The following CALN1 variants were observed in gnomAD, a reference collection of about 807,000 sequenced individuals.
CALN1 encodes calcium-binding protein 8.
CALN1 carries 17 observed loss-of-function variants against 30.6 expected under a neutral mutation model. The ratio of observed to expected loss-of-function variants is 0.56; its 90% CI spans 0.38 to 0.83. CALN1 has a LOEUF of 0.83. CALN1 is among the 40% of genes least tolerant of loss of function. The pLI is 0.00. For synonymous variants in CALN1, 156 were observed against 131.4 expected (o/e 1.19, Z -1.28); for missense variants, 291 against 354.9 (o/e 0.82, Z 1.45).
At chr7:72,048,305 C>T (rs1016045398) in intron 4 of CALN1, among the ~76,000 whole-genome samples, 4 of 152,140 alleles carry the variant, frequency 2.6e-5, no homozygotes, top group African/African-American at 9.7e-5. Context: ...TCCAAAAATG[C>T]TGGGATTACA....
chr7:72,255,561 C>G (rs1004962666), intron 3 of CALN1, among the ~76,000 whole-genome samples: 1 of 151,384 alleles, frequency 6.6e-6, no homozygotes, highest in Non-Finnish European at 1.5e-5. Context: ...ACTACAGGTG[C>G]CCCTACCAAG....
At chr7:71,922,371 T>C (rs1303504337) in intron 5 of CALN1, among the ~76,000 whole-genome samples, 1 of 151,398 alleles carries the variant, frequency 6.6e-6, no homozygotes, top group Admixed American at 6.6e-5. Context: ...CTGAGACCTA[T>C]AGGACTAGCC....
intron 2 of CALN1, among the ~76,000 whole-genome samples, chr7:72,330,483 AAAAG>A (rs1380420470): frequency 2.0e-5 from 3 of 151,600 alleles, no homozygotes; most frequent in South Asian, 2.1e-4. Context: ...AAAAAAAAAA[AAAAG>A]AGAGAGAGAC....
intron 2 of CALN1, among the ~76,000 whole-genome samples, chr7:72,294,827 C>G (rs138331957): frequency 6.6e-6 from 1 of 151,682 alleles, no homozygotes; most frequent in African/African-American, 2.4e-5. Flanking sequence ...ACCCTATAAG[C>G]CTCTGATAAA....
At chr7:72,162,441 G>A (rs973939056) in intron 3 of CALN1, among the ~76,000 whole-genome samples, 1 of 152,004 alleles carries the variant, frequency 6.6e-6, no homozygotes, top group Non-Finnish European at 1.5e-5. Flanking sequence ...AAAAAACAAA[G>A]AGGATATATG....
intron 4 of CALN1, among the ~76,000 whole-genome samples, chr7:72,082,434 T>C (rs1257134642): frequency 6.6e-6 from 1 of 152,216 alleles, no homozygotes; most frequent in African/African-American, 2.4e-5. Flanking sequence ...GCAGGAGAGC[T>C]GAGGGAAATC....
chr7:72,244,101 T>G (rs1226098475), intron 3 of CALN1, among the ~76,000 whole-genome samples: 1 of 152,164 alleles, frequency 6.6e-6, no homozygotes, highest in Admixed American at 6.6e-5. Context: ...ACCATACACA[T>G]AGAAGGTACA....
intron 3 of CALN1, among the ~76,000 whole-genome samples, chr7:72,175,345 T>G (rs563447064): frequency 6.6e-6 from 1 of 152,220 alleles, no homozygotes; most frequent in South Asian, 2.1e-4. Context: ...AGTGTTGGGA[T>G]TATGGGAGTG....
intron 5 of CALN1, among the ~76,000 whole-genome samples, chr7:71,953,808 G>A (rs1320833953): frequency 6.6e-6 from 1 of 151,994 alleles, no homozygotes; most frequent in African/African-American, 2.4e-5. Context: ...TGATGGGGCT[G>A]GGCTGATGTT....
At chr7:72,120,681 G>C (rs1312571107) in intron 3 of CALN1, among the ~76,000 whole-genome samples, 1 of 152,160 alleles carries the variant, frequency 6.6e-6, no homozygotes, top group African/African-American at 2.4e-5. Flanking sequence ...TTCAGGCACA[G>C]AAATATAGTA....
chr7:72,216,568 G>A (rs1218132536), intron 3 of CALN1, among the ~76,000 whole-genome samples: 1 of 152,086 alleles, frequency 6.6e-6, no homozygotes, highest in Admixed American at 6.6e-5. Flanking sequence ...AAGAGTCAGC[G>A]TGGGGCCAGT....
At chr7:72,046,926 C>T (rs1022494235) in intron 4 of CALN1, among the ~76,000 whole-genome samples, 8 of 151,584 alleles carry the variant, frequency 5.3e-5, no homozygotes, top group East Asian at 1.9e-4. Context: ...TAGCTGGGCA[C>T]GGTGGCACGT....
intron 3 of CALN1, among the ~76,000 whole-genome samples, chr7:72,241,390 C>T (rs1284223816): frequency 2.6e-5 from 4 of 151,588 alleles, no homozygotes; most frequent in African/African-American, 9.7e-5. Context: ...ATTCTGTTTT[C>T]CCCCCCACAC....
intron 5 of CALN1, among the ~76,000 whole-genome samples, chr7:71,869,824 G>C (rs1189726911): frequency 6.6e-6 from 1 of 152,176 alleles, no homozygotes. Context: ...AGATGCCCCA[G>C]AAAGGTGAGT....
intron 5 of CALN1, among the ~76,000 whole-genome samples, chr7:71,843,580 A>G (rs1790067477): frequency 6.6e-6 from 1 of 152,124 alleles, no homozygotes. Context: ...CTATGATTGT[A>G]CCACTGCACC....
intron 5 of CALN1, among the ~76,000 whole-genome samples, chr7:71,833,720 T>C (rs1290118983): frequency 4.0e-5 from 6 of 151,876 alleles, no homozygotes; most frequent in South Asian, 4.2e-4. Flanking sequence ...CTGGGTACCA[T>C]AGCAAGACCC....
intron 5 of CALN1, among the ~76,000 whole-genome samples, chr7:72,008,992 A>C (rs1421905133): frequency 2.6e-5 from 4 of 152,152 alleles, no homozygotes; most frequent in African/African-American, 4.8e-5. Context: ...ATGTAAGTAA[A>C]TGCTAATAAA....
chr7:72,088,713 A>G (rs1252569601), intron 4 of CALN1, among the ~76,000 whole-genome samples: 1 of 151,044 alleles, frequency 6.6e-6, no homozygotes, highest in Non-Finnish European at 1.5e-5. Context: ...AAAAAAAAAA[A>G]AAAAAGAAAG....
intron 5 of CALN1, among the ~76,000 whole-genome samples, chr7:71,941,914 C>T (rs1796152664): frequency 6.6e-6 from 1 of 152,092 alleles, no homozygotes; most frequent in African/African-American, 2.4e-5. Flanking sequence ...AAAAAGTCAA[C>T]TGGGCTGGGC....
Sources: gnomAD v4.1 joint callset for allele counts (sites outside exome capture counted in the v4.1 genomes callset) on GRCh38, gnomAD v4.1.1 for gene constraint, MANE v1.5 for transcripts, NCBI Gene and HGNC (gene_info 2026-07-23, HGNC 2026-07-21) for gene names.